MYT1L: variants seen among roughly 807,000 people sequenced by gnomAD.
The protein encoded by MYT1L is myelin transcription factor 1 like, also known as myelin transcription factor 1-like protein.
Under a neutral mutation model 126.7 loss-of-function variants are expected in MYT1L, and 12 were observed. The ratio of observed to expected loss-of-function variants is 0.09; its 90% CI spans 0.06 to 0.15. The LOEUF is 0.15. Among genes scored for constraint, MYT1L ranks in the 10% least tolerant of loss-of-function variants. The probability of loss-of-function intolerance (pLI) is 1.00; values close to 1 mark genes in which losing one functional copy is unlikely to be tolerated. For missense variants in MYT1L, 979 were observed against 1,585.2 expected, an observed-to-expected ratio of 0.62 and a Z score of 6.49; for synonymous variants, 541 against 604.2, an observed-to-expected ratio of 0.90 and a Z score of 1.53.
intron 18 of MYT1L, among the ~76,000 whole-genome samples, chr2:1,882,717 G>A (rs1181277595): frequency 1.3e-5 from 2 of 152,144 alleles, no homozygotes. Context: ...TCCTGCACCC[G>A]AACAATGGAA....
chr2:1,924,962 C>T lies in MYT1L; in HGVS notation c.506-1699G>A, dbSNP rs543089332. Among the ~76,000 whole-genome samples, 13 of 152,272 alleles carry T rather than the reference C, an allele frequency of 8.5e-5. No homozygotes were observed. In the East Asian group the frequency reaches 2.5e-3, roughly 29 times the overall value. Reference sequence around the variant, plus strand: ...AAATATTCTCCTCTCAATTTATGCACTTTGTTATATTCATGGGCTGTGATT... The same window carrying T: ...AAATATTCTCCTCTCAATTTATGCATTTTGTTATATTCATGGGCTGTGATT... On this transcript the variant is annotated intron_variant, in intron 9 of 24. Transcript: ENST00000647738.
intron 3 of MYT1L, among the ~76,000 whole-genome samples, chr2:2,149,647 C>G (rs901756336): frequency 6.6e-6 from 1 of 152,206 alleles, no homozygotes. Context: ...AGGGTTCTTT[C>G]CAGGGCTGTT....
intron 2 of MYT1L, among the ~76,000 whole-genome samples, chr2:2,240,292 T>A (rs1054215791): frequency 6.6e-6 from 1 of 150,914 alleles, no homozygotes; most frequent in Admixed American, 6.6e-5. Context: ...AAACTCCGTC[T>A]CTAAATAAAT....
chr2:1,815,879 C>G (rs2037544327), intron 21 of MYT1L, among the ~76,000 whole-genome samples: 1 of 152,226 alleles, frequency 6.6e-6, no homozygotes, highest in Admixed American at 6.5e-5. Context: ...GGGAGTGGCT[C>G]CAGGCATCCA....
At chr2:1,837,048 G>A (rs185852611) in intron 21 of MYT1L, among the ~76,000 whole-genome samples, 11 of 152,274 alleles carry the variant, frequency 7.2e-5, no homozygotes, top group East Asian at 3.9e-4. Context: ...GTCATGGGGC[G>A]GGGTCCTGCT....
intron 2 of MYT1L, among the ~76,000 whole-genome samples, chr2:2,181,095 C>T (rs2091447708): frequency 6.7e-6 from 1 of 149,604 alleles, no homozygotes; most frequent in African/African-American, 2.5e-5. Flanking sequence ...TACCTGTGTA[C>T]CTGTGTGTGA....
chr2:1,887,678 CG>C lies in MYT1L; in HGVS notation c.2521-70del. On this transcript the variant is annotated intron_variant, in intron 16 of 24. Transcript: ENST00000647738. This position sits in a 1 kb window ranked among gnomAD's most constrained non-coding sequence, Gnocchi z 4.8. ...GGCACACAGACTGAGGGAGGTGGTT[CG>C]TGGCTCTGGGGTGGCCTCTACATCT... The C allele has an allele frequency of 6.2e-7, 1 of 1,606,176 alleles. No homozygotes were observed. The highest frequency in any genetic ancestry group is 8.5e-7 in the Non-Finnish European group (1 of 1,174,520).
intron 21 of MYT1L, among the ~76,000 whole-genome samples, chr2:1,837,678 G>A (rs927107358): frequency 2.0e-5 from 3 of 151,998 alleles, no homozygotes; most frequent in African/African-American, 7.3e-5. Flanking sequence ...GTGACACCCT[G>A]GGCTTCTGTG....
chr2:1,984,343 G>A (rs2060841398), intron 5 of MYT1L, among the ~76,000 whole-genome samples: 1 of 151,868 alleles, frequency 6.6e-6, no homozygotes, highest in East Asian at 1.9e-4. Context: ...CTACAGGTGT[G>A]TGCCACCATG....
chr2:2,265,087 G>C (rs758628574), intron 2 of MYT1L, among the ~76,000 whole-genome samples: 40 of 151,678 alleles, frequency 2.6e-4, no homozygotes, highest in Admixed American at 1.2e-3. Flanking sequence ...GAGTGCAGTG[G>C]TGTGATAATG....
intron 2 of MYT1L, among the ~76,000 whole-genome samples, chr2:2,188,564 C>T (rs2092368371): frequency 1.3e-5 from 2 of 152,266 alleles, no homozygotes; most frequent in East Asian, 1.9e-4. Flanking sequence ...ATCTGTGTGC[C>T]TGGGCTAGGT....
chr2:2,280,642 T>G (rs1573112501), intron 2 of MYT1L, among the ~76,000 whole-genome samples: 1 of 152,152 alleles, frequency 6.6e-6, no homozygotes, highest in South Asian at 2.1e-4. Flanking sequence ...GTAACACACA[T>G]CAACTTCGTA....
At chr2:2,298,730 C>A (rs2095737915) in intron 1 of MYT1L, among the ~76,000 whole-genome samples, 1 of 152,198 alleles carries the variant, frequency 6.6e-6, no homozygotes. Flanking sequence ...AAGCACAAGA[C>A]ACGGCATGTT....
chr2:2,176,375 T>C (rs1332444538), intron 2 of MYT1L, among the ~76,000 whole-genome samples: 1 of 152,220 alleles, frequency 6.6e-6, no homozygotes, highest in Admixed American at 6.5e-5. Context: ...ATGGCTTCAA[T>C]TATTTGGAAC....
At chr2:1,837,638 C>A (rs1249865276) in intron 21 of MYT1L, among the ~76,000 whole-genome samples, 1 of 152,082 alleles carries the variant, frequency 6.6e-6, no homozygotes, top group East Asian at 1.9e-4. Flanking sequence ...CGTGCAGGAA[C>A]AGGCTCAATG....
At chr2:1,901,795 G>C (rs1039027543) in intron 14 of MYT1L, among the ~76,000 whole-genome samples, 1 of 152,144 alleles carries the variant, frequency 6.6e-6, no homozygotes, top group African/African-American at 2.4e-5. Context: ...GAGCAGCTGG[G>C]ATTATAGGCA....
At chr2:2,125,617 C>A (rs1166517962) in intron 3 of MYT1L, among the ~76,000 whole-genome samples, 2 of 151,778 alleles carry the variant, frequency 1.3e-5, no homozygotes, top group East Asian at 1.9e-4. Flanking sequence ...AATACCCAAG[C>A]TCAATAAAAA....
At chr2:1,794,152 A>AGTTTGATTCTCAACTCC in intron 23 of MYT1L, among the ~76,000 whole-genome samples, 1 of 152,334 alleles carries the variant, frequency 6.6e-6, no homozygotes, top group African/African-American at 2.4e-5. Context: ...TTCCCTGAGC[A>AGTTTGATTCTCAACTCC]GAGGGCGGCT....
At chr2:2,273,981 A>C (rs2095313437) in intron 2 of MYT1L, among the ~76,000 whole-genome samples, 1 of 152,232 alleles carries the variant, frequency 6.6e-6, no homozygotes, top group Admixed American at 6.5e-5. Context: ...AATACTTTTC[A>C]AATGAATATA....
Sources: gnomAD v4.1 joint callset for allele counts (sites outside exome capture counted in the v4.1 genomes callset) on GRCh38, gnomAD v4.1.1 for gene constraint, Gnocchi (gnomAD v3.1) non-coding constraint, MANE v1.5 for transcripts, NCBI Gene and HGNC (gene_info 2026-07-23, HGNC 2026-07-21) for gene names.